Variants in NRG1 observed in about 807,000 individuals in gnomAD.
NRG1 encodes the protein neuregulin 1.
In NRG1, 18 loss-of-function variants were observed where a neutral mutation model predicts 63.8. The ratio of observed to expected loss-of-function variants is 0.28; its 90% CI spans 0.19 to 0.42. The LOEUF is 0.42. NRG1 is among the 10% of genes least tolerant of loss of function. The pLI is 1.00. For missense variants in NRG1, 762 were observed against 814.7 expected (o/e 0.94, Z 0.79); for synonymous variants, 302 against 301.3 (o/e 1.00, Z -0.02).
chr8:32,426,446 C>T (rs942675564), intron 1 of NRG1, among the ~76,000 whole-genome samples: 2 of 152,186 alleles, frequency 1.3e-5, no homozygotes, highest in Admixed American at 6.6e-5. Flanking sequence ...AATTCATAAA[C>T]AATTCCTTGT....
chr8:31,776,423 G>T (rs1819142727), intron 1 of NRG1, among the ~76,000 whole-genome samples: 1 of 152,166 alleles, frequency 6.6e-6, no homozygotes, highest in Admixed American at 6.5e-5. Context: ...GGAAAAAATA[G>T]GAACTCTTGA....
chr8:31,694,325 T>A (rs1390929474), intron 1 of NRG1, among the ~76,000 whole-genome samples: 1 of 152,258 alleles, frequency 6.6e-6, no homozygotes, highest in African/African-American at 2.4e-5. Flanking sequence ...AAATGCTTTA[T>A]GACTTTGATC....
chr8:32,299,218 C>T (rs1372225563), intron 1 of NRG1, among the ~76,000 whole-genome samples: 1 of 151,864 alleles, frequency 6.6e-6, no homozygotes, highest in African/African-American at 2.4e-5. Context: ...AGTATGTTTT[C>T]TAGATAAATA....
chr8:31,918,252 G>T (rs983673963), intron 1 of NRG1, among the ~76,000 whole-genome samples: 2 of 152,300 alleles, frequency 1.3e-5, no homozygotes, highest in Admixed American at 6.5e-5. Flanking sequence ...AATAGTAGTG[G>T]TGAGAGAGGG....
intron 1 of NRG1, among the ~76,000 whole-genome samples, chr8:32,488,680 C>T (rs1284167020): frequency 6.6e-6 from 1 of 152,166 alleles, no homozygotes; most frequent in Non-Finnish European, 1.5e-5. Context: ...AGTCTAGCTA[C>T]AGCTTCCATG....
At chr8:31,995,840 T>A (rs1811879987) in intron 1 of NRG1, among the ~76,000 whole-genome samples, 1 of 151,994 alleles carries the variant, frequency 6.6e-6, no homozygotes, top group African/African-American at 2.4e-5. Context: ...CCCTGTCTTT[T>A]CATTTTACTT....
chr8:32,412,098 G>A (rs10954841), intron 1 of NRG1, among the ~76,000 whole-genome samples: 2 of 151,808 alleles, frequency 1.3e-5, no homozygotes, highest in Admixed American at 6.6e-5. Context: ...AATCAAGACC[G>A]GAATAGAACA....
At chr8:32,504,510 T>C (rs987714852) in intron 1 of NRG1, among the ~76,000 whole-genome samples, 4 of 152,188 alleles carry the variant, frequency 2.6e-5, no homozygotes, top group African/African-American at 9.6e-5. Flanking sequence ...ATTAATTTGG[T>C]AATACCATCA....
chr8:32,278,963 A>G (rs1009203220), intron 1 of NRG1, among the ~76,000 whole-genome samples: 1 of 152,166 alleles, frequency 6.6e-6, no homozygotes, highest in African/African-American at 2.4e-5. Flanking sequence ...TTCATAAGAG[A>G]CTGTGTTTGC....
intron 1 of NRG1, among the ~76,000 whole-genome samples, chr8:31,822,277 T>A (rs776048557): frequency 5.9e-5 from 9 of 152,234 alleles, no homozygotes; most frequent in Admixed American, 1.3e-4. Flanking sequence ...AGACAGAGGA[T>A]AAATGTTGTA....
intron 1 of NRG1, among the ~76,000 whole-genome samples, chr8:31,910,144 G>C (rs1484957096): frequency 6.6e-6 from 1 of 152,194 alleles, no homozygotes; most frequent in African/African-American, 2.4e-5. Context: ...CAATATTTAA[G>C]CTGCGAGCTA....
intron 1 of NRG1, among the ~76,000 whole-genome samples, chr8:32,293,265 A>G (rs1854422999): frequency 6.6e-6 from 1 of 152,166 alleles, no homozygotes; most frequent in South Asian, 2.1e-4. Flanking sequence ...AATGTAGTAA[A>G]TGCAATCACA....
chr8:31,902,964 C>T (rs1301408770), intron 1 of NRG1, among the ~76,000 whole-genome samples: 1 of 152,118 alleles, frequency 6.6e-6, no homozygotes, highest in Non-Finnish European at 1.5e-5. Flanking sequence ...ACCTTGTTCT[C>T]CCTCTCATGA....
chr8:32,356,409 T>C (rs1457028360), intron 1 of NRG1, among the ~76,000 whole-genome samples: 1 of 151,348 alleles, frequency 6.6e-6, no homozygotes, highest in East Asian at 1.9e-4. Flanking sequence ...AGGAAATAAT[T>C]ATGTAGGAAA....
At chr8:32,318,978 T>A (rs1400275380) in intron 1 of NRG1, among the ~76,000 whole-genome samples, 2 of 152,142 alleles carry the variant, frequency 1.3e-5, no homozygotes, top group Non-Finnish European at 2.9e-5. Flanking sequence ...CTTCATCACT[T>A]GAGGCCCAGA....
chr8:31,916,377 C>T (rs1294169071), intron 1 of NRG1, among the ~76,000 whole-genome samples: 2 of 152,086 alleles, frequency 1.3e-5, no homozygotes, highest in Admixed American at 6.6e-5. Flanking sequence ...ACAACAGTCC[C>T]CAGAGTGTGA....
At chr8:31,673,273 T>C (rs1432970439) in intron 1 of NRG1, among the ~76,000 whole-genome samples, 1 of 152,158 alleles carries the variant, frequency 6.6e-6, no homozygotes, top group East Asian at 1.9e-4. Context: ...TGACCTCATT[T>C]AGAGAAACAC....
At chr8:32,471,702 A>T (rs1823872890) in intron 1 of NRG1, among the ~76,000 whole-genome samples, 1 of 152,146 alleles carries the variant, frequency 6.6e-6, no homozygotes, top group Non-Finnish European at 1.5e-5. Context: ...AACATTTGTA[A>T]TGTTCAAATA....
intron 1 of NRG1, among the ~76,000 whole-genome samples, chr8:32,049,408 A>G (rs969291398): frequency 6.6e-6 from 1 of 152,168 alleles, no homozygotes; most frequent in African/African-American, 2.4e-5. Flanking sequence ...GAAGGCAGAT[A>G]GAAAAGCCCA....
Sources: gnomAD v4.1 joint callset for allele counts (sites outside exome capture counted in the v4.1 genomes callset) on GRCh38, gnomAD v4.1.1 for gene constraint, MANE v1.5 for transcripts, NCBI Gene and HGNC (gene_info 2026-07-23, HGNC 2026-07-21) for gene names.